NXN: variants seen among roughly 807,000 people sequenced by gnomAD.
The protein encoded by NXN is nucleoredoxin 1.
A neutral mutation model predicts 48.6 loss-of-function variants in NXN; 16 were observed. That is an observed-to-expected ratio of 0.33 (90% CI 0.22 to 0.50). NXN has a LOEUF of 0.50. Ranked by LOEUF, NXN falls within the 20% of genes least tolerant of loss-of-function variation. The pLI, the probability that NXN is intolerant of heterozygous loss-of-function variation, is 0.98. For missense variants in NXN, 492 were observed against 605.5 expected, an observed-to-expected ratio of 0.81 and a Z score of 1.97; for synonymous variants, 281 against 269.6, an observed-to-expected ratio of 1.04 and a Z score of -0.41.
At chr17:961,476 G>T (rs377532645) in intron 1 of NXN, among the ~76,000 whole-genome samples, 2 of 152,164 alleles carry the variant, frequency 1.3e-5, no homozygotes, top group East Asian at 3.9e-4. Context: ...AACATTCAGA[G>T]GATTTCCAGG....
intron 1 of NXN, chr17:959,135 A>C (rs1290079928): frequency 2.1e-6 from 1 of 472,152 alleles, no homozygotes; most frequent in Non-Finnish European, 3.5e-6. Flanking sequence ...GGGGCCCAGC[A>C]ACAAGAGCCG....
rs557898429 is a variant in NXN, at chr17:881,672, T to G, written c.361-55594A>C. Among the ~76,000 whole-genome samples, 34 of 152,320 alleles carry G rather than the reference T, an allele frequency of 2.2e-4. No homozygotes were observed. In the South Asian group the frequency reaches 7.1e-3, roughly 32 times the overall value. On this transcript the variant is annotated intron_variant, in intron 1 of 7. Coordinates refer to ENST00000336868, the MANE Select transcript of NXN (RefSeq NM_022463.5). Reference sequence around the variant, plus strand: ...ATTTTTTTAAGTCCATAAAAATGTTTATAACAGCCTTCCCCACCCCAAACT... The same window carrying G: ...ATTTTTTTAAGTCCATAAAAATGTTGATAACAGCCTTCCCCACCCCAAACT...
At chr17:899,909 A>T (rs1029354382) in intron 1 of NXN, among the ~76,000 whole-genome samples, 1 of 152,168 alleles carries the variant, frequency 6.6e-6, no homozygotes, top group Non-Finnish European at 1.5e-5. Context: ...TATTTTCACA[A>T]AGGAAATCAA....
chr17:932,849 T>C lies in NXN; in HGVS notation c.360+46470A>G, dbSNP rs902153969. On this transcript the variant is annotated intron_variant, in intron 1 of 7. Coordinates refer to ENST00000336868, the MANE Select transcript of NXN (RefSeq NM_022463.5). This position sits in a 1 kb window ranked among gnomAD's most constrained non-coding sequence, Gnocchi z 4.1. Reference sequence around the variant, plus strand: ...TTTTAGTAGAGATGAGGTTTCTCCATGTTGGCCAGGCTGGTCTCGAACTCC... The same window carrying C: ...TTTTAGTAGAGATGAGGTTTCTCCACGTTGGCCAGGCTGGTCTCGAACTCC... 6.6e-6 allele frequency among the ~76,000 whole-genome samples: 1 copy of C among 152,214 alleles called. No homozygotes were observed. The highest frequency in any genetic ancestry group is 2.4e-5 in the African/African-American group (1 of 41,458).
intron 1 of NXN, among the ~76,000 whole-genome samples, chr17:909,161 AGAG>A (rs2068610188): frequency 6.6e-6 from 1 of 151,810 alleles, no homozygotes; most frequent in Non-Finnish European, 1.5e-5. Context: ...TAGTCAAACG[AGAG>A]GAACACATCT....
intron 1 of NXN, chr17:909,524 G>A (rs2068614113): frequency 7.3e-6 from 1 of 136,460 alleles, no homozygotes; most frequent in South Asian, 2.4e-4. Context: ...GTGTTCCAAA[G>A]GAAATGAATT....
At chr17:905,842 T>C (rs1283900578) in intron 1 of NXN, among the ~76,000 whole-genome samples, 1 of 151,898 alleles carries the variant, frequency 6.6e-6, no homozygotes, top group Non-Finnish European at 1.5e-5. Flanking sequence ...CTGGGCATGG[T>C]GGCATGTGCC....
intron 1 of NXN, among the ~76,000 whole-genome samples, chr17:893,621 G>T (rs1238898001): frequency 1.6e-3 from 144 of 90,498 alleles, no homozygotes; most frequent in Middle Eastern, 7.8e-3. Context: ...GCATCTCAAT[G>T]CCCTGGAAGC....
intron 1 of NXN, chr17:863,816 C>G (rs1177043571): frequency 1.3e-6 from 1 of 746,584 alleles, no homozygotes; most frequent in East Asian, 2.7e-5. Context: ...TACAAATGGA[C>G]CCTTGCAATT....
chr17:951,645 G>A (rs978500893), intron 1 of NXN, among the ~76,000 whole-genome samples: 29 of 152,138 alleles, frequency 1.9e-4, no homozygotes, highest in Non-Finnish European at 3.4e-4. Flanking sequence ...TGGCAGAGGC[G>A]GGCAAGCCCC....
At chr17:915,221 A>G (rs2038227339) in intron 1 of NXN, among the ~76,000 whole-genome samples, 1 of 152,218 alleles carries the variant, frequency 6.6e-6, no homozygotes, top group Non-Finnish European at 1.5e-5. Flanking sequence ...GGCGTGAGCC[A>G]CTGCACCCGG....
chr17:821,941 T>C (rs962510332), intron 4 of NXN, among the ~76,000 whole-genome samples: 2 of 151,816 alleles, frequency 1.3e-5, no homozygotes, highest in African/African-American at 4.8e-5. Flanking sequence ...TCCCCCAGTA[T>C]TTACAGCAAG....
chr17:975,014 A>G (rs904054521), intron 1 of NXN, among the ~76,000 whole-genome samples: 3 of 151,862 alleles, frequency 2.0e-5, no homozygotes, highest in Non-Finnish European at 4.4e-5. Context: ...TTGCAAAGAC[A>G]ATGTTTCACC....
At chr17:851,481 G>A (rs2067923137) in intron 1 of NXN, among the ~76,000 whole-genome samples, 1 of 152,222 alleles carries the variant, frequency 6.6e-6, no homozygotes, top group African/African-American at 2.4e-5. Flanking sequence ...GGAAAGAGCA[G>A]GGTGGCAAAG....
In NXN at chr17:967,479, C is replaced by G. The variant is rs140971094; in HGVS notation, c.360+11840G>C. ...TCACCCACAGGAAACTCAGACCCTTCTGAACCCAGGAGTTGATATTCTACA... is the reference window on the plus strand; with the variant it reads ...TCACCCACAGGAAACTCAGACCCTTGTGAACCCAGGAGTTGATATTCTACA... On this transcript the variant is annotated intron_variant, in intron 1 of 7. Coordinates refer to ENST00000336868, the MANE Select transcript of NXN (RefSeq NM_022463.5). Among the ~76,000 whole-genome samples the G allele has an allele frequency of 7.8e-3, 1,187 of 152,304 alleles. 16 individuals are homozygous for G. The highest frequency in any genetic ancestry group is 8.0e-3 in the Admixed American group (122 of 15,288).
chr17:857,832 G>C (rs1375129996), intron 1 of NXN, among the ~76,000 whole-genome samples: 1 of 152,124 alleles, frequency 6.6e-6, no homozygotes, highest in Non-Finnish European at 1.5e-5. Flanking sequence ...CTGAATAGAA[G>C]AGTGAGAAGG....
At chr17:852,689 G>A (rs1330840076) in intron 1 of NXN, among the ~76,000 whole-genome samples, 3 of 152,148 alleles carry the variant, frequency 2.0e-5, no homozygotes, top group Admixed American at 6.5e-5. Context: ...GAGTCAGCCC[G>A]GGCTATAGAG....
chr17:822,440 G>C lies in NXN; in HGVS notation c.630C>G (p.Ser210Arg). 1.2e-6 allele frequency: 2 copies of C among 1,613,946 alleles called. No homozygotes were observed. Among genetic ancestry groups the C allele is most frequent in the Non-Finnish European group, 1.7e-6 (2 of 1,179,888 alleles). Reference sequence around the variant, plus strand: ...AGGATTCCACCAGGACCCGGGTGAGGCTTCGGCAGGGCGGACACTGAAAGA... The same window carrying C: ...AGGATTCCACCAGGACCCGGGTGAGCCTTCGGCAGGGCGGACACTGAAAGA... ...FSAHWCPPCR[S>R]LTRVLVESYR... Residue 210 changes from serine to arginine, a missense_variant, in exon 4 of 8, where the codon AGC (serine) becomes AGG (arginine). This residue lies in a region of NXN where 303 missense variants were observed against 388.3 expected (regional missense o/e 0.78). Coordinates refer to ENST00000336868, the MANE Select transcript of NXN (RefSeq NM_022463.5).
At chr17:960,991 C>T (rs578117853) in intron 1 of NXN, among the ~76,000 whole-genome samples, 1 of 151,782 alleles carries the variant, frequency 6.6e-6, no homozygotes, top group Non-Finnish European at 1.5e-5. Context: ...TCACCGTGTT[C>T]GCCAGGATAG....
Sources: allele counts gnomAD v4.1 joint callset (sites outside exome capture counted in the v4.1 genomes callset), GRCh38; gene constraint gnomAD v4.1.1; regional missense constraint gnomAD v4.1.1; non-coding constraint Gnocchi (gnomAD v3.1); transcripts MANE v1.5; gene names NCBI Gene and HGNC (gene_info 2026-07-23, HGNC 2026-07-21).